The following ZDHHC9 variants were observed in gnomAD, a reference collection of about 807,000 sequenced individuals.
ZDHHC9 encodes zDHHC palmitoyltransferase 9.
Under a neutral mutation model 26.6 loss-of-function variants are expected in ZDHHC9, and 3 were observed. The ratio of observed to expected loss-of-function variants is 0.11; its 90% CI spans 0.05 to 0.29. ZDHHC9 has a LOEUF of 0.29. Among genes scored for constraint, ZDHHC9 ranks in the 10% least tolerant of loss-of-function variants. The probability of loss-of-function intolerance (pLI) is 1.00; values close to 1 mark genes in which losing one functional copy is unlikely to be tolerated. For synonymous variants in ZDHHC9, 111 were observed against 109.4 expected (o/e 1.01, Z -0.09); for missense variants, 146 against 296.4 (o/e 0.49, Z 3.73).
intron 1 of ZDHHC9, 41 bp downstream of exon 1, chrX:129,843,655 G>C (rs1379568818): frequency 9.0e-6 from 1 of 111,265 alleles, no homozygotes; most frequent in East Asian, 2.9e-4. Flanking sequence ...AGCCCACCCT[G>C]CAGCCGAGCC....
chrX:129,837,651 A>G (rs1456096821), intron 3 of ZDHHC9, among the ~76,000 whole-genome samples: 1 of 112,276 alleles, frequency 8.9e-6, no homozygotes, highest in African/African-American at 3.2e-5. Flanking sequence ...CAGTGCCTTG[A>G]TAAGATTTCC....
In ZDHHC9 at chrX:129,810,954, C is replaced by A; in HGVS notation, c.929G>T (p.Arg310Leu). 1 of 1,211,314 alleles carries A rather than the reference C, an allele frequency of 8.3e-7. No homozygotes were observed. The highest frequency in any genetic ancestry group is 3.0e-5 in the East Asian group (1 of 33,845). ...ACTGGTCTCTTGAGTACTGGGAGGT[C>A]GACTTCCACTTTCCTCCAGTGGCAA... ...GILPLEESGSRPPSTQETSSS... is the reference protein window; with the variant it reads ...GILPLEESGSLPPSTQETSSS... Residue 310 changes from arginine to leucine, a missense_variant, in exon 10 of 11, where the codon CGA (arginine) becomes CTA (leucine). Coordinates refer to ENST00000357166, the MANE Select transcript of ZDHHC9 (RefSeq NM_016032.4).
rs1194422235 is a variant in ZDHHC9, at chrX:129,804,552, A to C, written c.*1818T>G. ...AAATATATACCATCACTTGTAAAAGACCACTGATCAAATATTTCCAAGGGG... is the reference window on the plus strand; with the variant it reads ...AAATATATACCATCACTTGTAAAAGCCCACTGATCAAATATTTCCAAGGGG... On this transcript the variant is annotated 3_prime_UTR_variant, in exon 11 of 11. Transcript: ENST00000357166. 1 of 111,527 alleles carries C rather than the reference A, an allele frequency of 9.0e-6. No individual in the cohort carries two copies. The highest frequency in any genetic ancestry group is 3.3e-5 in the African/African-American group (1 of 30,657). 9.2% of individuals were successfully genotyped at this position (111,527 alleles called of 1,213,427 possible). A position where few individuals can be genotyped will look rare whatever the true frequency, so the allele number is the denominator to read the frequency against.
rs1235319226 is a variant in ZDHHC9 at position 129,842,025 on chromosome X, G to A, written c.-80C>T. 1.2e-5 allele frequency: 14 copies of A among 1,134,441 alleles called. No homozygotes were observed. Among genetic ancestry groups the A allele is most frequent in the Middle Eastern group, 2.4e-4 (1 of 4,105 alleles). The allele number at this position is 1,134,441 out of a possible 1,213,427, so 93.5% of individuals were successfully genotyped here. ...AGGCTGAGCCCAGCTTTGAAATCAC[G>A]TTGCCTGCTATTCCTGCCGCTGGGT... On this transcript the variant is annotated 5_prime_UTR_variant, in exon 3 of 11. The change creates a new upstream start codon in the 5' untranslated region. Coordinates refer to ENST00000357166, the MANE Select transcript of ZDHHC9 (RefSeq NM_016032.4).
intron 5 of ZDHHC9, among the ~76,000 whole-genome samples, chrX:129,818,002 T>A (rs1301337964): frequency 1.8e-5 from 2 of 111,461 alleles, no homozygotes; most frequent in Admixed American, 1.9e-4. Flanking sequence ...GTACCCCCAC[T>A]CCCCAGTTCC....
intron 3 of ZDHHC9, among the ~76,000 whole-genome samples, chrX:129,838,777 C>T (rs1375090453): frequency 3.6e-5 from 4 of 112,158 alleles, no homozygotes; most frequent in Non-Finnish European, 7.5e-5. Flanking sequence ...TGTATTCAAT[C>T]TACTATGTGT....
At chrX:129,830,088 G>A (rs1928107421) in intron 3 of ZDHHC9, among the ~76,000 whole-genome samples, 1 of 111,908 alleles carries the variant, frequency 8.9e-6, no homozygotes, top group Non-Finnish European at 1.9e-5. Flanking sequence ...CTTATGCTAA[G>A]CTGCACTAAT....
Position 129,806,271 on chromosome X carries a change from AG to A in ZDHHC9, c.*98del. On this transcript the variant is annotated 3_prime_UTR_variant, in exon 11 of 11. Transcript: ENST00000357166. ...TAAAGACCAAAGAAAAACAGTTAAA[AG>A]GGACAGCTTACTTGCTCTCTGTCTC... is the stretch of plus-strand genomic sequence containing the variant. 1.3e-6 allele frequency: 1 copy of A among 750,849 alleles called. No homozygotes were observed. The highest frequency in any genetic ancestry group is 2.1e-6 in the Non-Finnish European group (1 of 476,945). The allele number at this position is 750,849 out of a possible 1,213,427, so 61.9% of individuals were successfully genotyped here.
chrX:129,836,447 C>T (rs1230745370), intron 3 of ZDHHC9, among the ~76,000 whole-genome samples: 4 of 111,350 alleles, frequency 3.6e-5, no homozygotes, highest in African/African-American at 1.3e-4. Context: ...CCAAGCCCAG[C>T]TGACTTTTTG....
At chrX:129,812,594 A>G in intron 8 of ZDHHC9, 124 bp downstream of exon 8, 1 of 589,026 alleles carries the variant, frequency 1.7e-6, no homozygotes, top group Non-Finnish European at 3.0e-6. Flanking sequence ...ACAACCTCGC[A>G]TACCACGTTT....
chrX:129,818,552 TAGA>T (rs912278606), intron 5 of ZDHHC9, among the ~76,000 whole-genome samples: 2 of 112,314 alleles, frequency 1.8e-5, no homozygotes, highest in Non-Finnish European at 3.8e-5. Context: ...ATGAATAAAA[TAGA>T]AGAATGAATA....
intron 7 of ZDHHC9, among the ~76,000 whole-genome samples, chrX:129,813,183 G>T (rs1927682961): frequency 8.9e-6 from 1 of 112,047 alleles, no homozygotes; most frequent in African/African-American, 3.2e-5. Context: ...CGGATCACAA[G>T]GTCAGGAGTT....
intron 5 of ZDHHC9, among the ~76,000 whole-genome samples, chrX:129,817,665 A>G (rs1188431581): frequency 9.1e-6 from 1 of 110,098 alleles, no homozygotes; most frequent in African/African-American, 3.3e-5. Context: ...AGCAATCTCT[A>G]ATCTTCTGTC....
Position 129,810,905 on chromosome X carries a change from T to A in ZDHHC9, c.978A>T (p.Pro326=). 1.7e-6 allele frequency: 2 copies of A among 1,209,109 alleles called. No individual in the cohort carries two copies. The highest frequency in any genetic ancestry group is 1.1e-6 in the Non-Finnish European group (1 of 893,263). Residue 326 remains proline (P), a splice_region_variant and synonymous_variant, in exon 10 of 11, where the codon CCA becomes CCT. Transcript: ENST00000357166. The part of the protein sequence containing the change: ...ETSSSLLPQS[P]APTEHLNSNE... Reference sequence around the variant, plus strand: ...CCAGCCTTAAGTCAGGAACACTTACTGGGCTCTGTGGCAAGAGGCTGCTAC... The same window carrying A: ...CCAGCCTTAAGTCAGGAACACTTACAGGGCTCTGTGGCAAGAGGCTGCTAC...
rs770146294 is a variant in ZDHHC9, at chrX:129,812,741, G to C, written c.754C>G (p.Leu252Val). Residue 252 changes from leucine to valine, a missense_variant, in exon 8 of 11, where the codon CTC becomes GTC. Coordinates refer to ENST00000357166, the MANE Select transcript of ZDHHC9 (RefSeq NM_016032.4). ...LTGFHTFLVA[L>V]NQTTNEDIKG... ...ACGTCTTCATTGGTTGTCTGGTTGA[G>C]AGCCACGAGGAAAGTATGAAATCCA... 9.9e-6 allele frequency: 12 copies of C among 1,208,780 alleles called. No individual in the cohort carries two copies. In the Admixed American group the frequency reaches 2.4e-4, roughly 24 times the overall value.
intron 5 of ZDHHC9, among the ~76,000 whole-genome samples, chrX:129,819,672 G>C (rs760145707): frequency 1.8e-5 from 2 of 110,444 alleles, no homozygotes; most frequent in Non-Finnish European, 3.8e-5. Flanking sequence ...CTTTCCATCA[G>C]TCTAATGTAC....
At chrX:129,830,812 C>G (rs1928123640) in intron 3 of ZDHHC9, among the ~76,000 whole-genome samples, 2 of 111,869 alleles carry the variant, frequency 1.8e-5, no homozygotes, top group Non-Finnish European at 1.9e-5. Context: ...CTTCCCCTAG[C>G]TCCCTGCCAC....
At chrX:129,824,572 G>C (rs1333213938) in intron 4 of ZDHHC9, among the ~76,000 whole-genome samples, 2 of 111,782 alleles carry the variant, frequency 1.8e-5, no homozygotes, top group Admixed American at 1.9e-4. Flanking sequence ...TTACAGGTGT[G>C]AGCCACCGTG....
intron 3 of ZDHHC9, among the ~76,000 whole-genome samples, chrX:129,835,277 T>A (rs1167298312): frequency 9.2e-6 from 1 of 108,200 alleles, no homozygotes; most frequent in African/African-American, 3.4e-5. Context: ...TGAGATCCTG[T>A]CTCTACAAAA....
Sources: allele counts gnomAD v4.1 joint callset (sites outside exome capture counted in the v4.1 genomes callset), GRCh38; gene constraint gnomAD v4.1.1; transcripts MANE v1.5; gene names NCBI Gene and HGNC (gene_info 2026-07-23, HGNC 2026-07-21).